The following GRM8 variants were observed in gnomAD, a reference collection of about 807,000 sequenced individuals.
The protein encoded by GRM8 is glutamate metabotropic receptor 8, also known as metabotropic glutamate receptor 8.
Under a neutral mutation model 87.2 loss-of-function variants are expected in GRM8, and 47 were observed. The observed-to-expected ratio is 0.54, with a 90% CI of 0.43 to 0.69. The LOEUF (loss-of-function observed/expected upper bound fraction) is 0.69. Among genes scored for constraint, GRM8 ranks in the 30% least tolerant of loss-of-function variants. GRM8 has a pLI of 0.00. For missense variants in GRM8, 1,019 were observed against 1,139.2 expected, an observed-to-expected ratio of 0.89 and a Z score of 1.52; for synonymous variants, 396 against 404.5, an observed-to-expected ratio of 0.98 and a Z score of 0.25.
chr7:126,515,527 T>G (rs1474077253), intron 9 of GRM8, among the ~76,000 whole-genome samples: 2 of 152,126 alleles, frequency 1.3e-5, no homozygotes, highest in Non-Finnish European at 2.9e-5. Flanking sequence ...GTCACTGCCC[T>G]GCAGTTTTGG....
chr7:126,544,490 A>G lies in GRM8; in HGVS notation c.1495-10603T>C, dbSNP rs138474707. 1.2e-3 allele frequency among the ~76,000 whole-genome samples: 178 copies of G among 152,040 alleles called. 1 individual carries two copies. The highest frequency in any genetic ancestry group is 4.1e-3 in the African/African-American group (169 of 41,482). Reference sequence around the variant, plus strand: ...GATGTTTGGAAGACCTAACAAATTAATATTTTGAAAGTTTATTTATTATTA... The same window carrying G: ...GATGTTTGGAAGACCTAACAAATTAGTATTTTGAAAGTTTATTTATTATTA... On this transcript the variant is annotated intron_variant, in intron 8 of 10. Coordinates refer to ENST00000339582, the MANE Select transcript of GRM8 (RefSeq NM_000845.3).
At chr7:127,030,515 TCA>T (rs1388090718) in intron 3 of GRM8, among the ~76,000 whole-genome samples, 1 of 152,154 alleles carries the variant, frequency 6.6e-6, no homozygotes, top group Non-Finnish European at 1.5e-5. Context: ...TTGATATGTA[TCA>T]GTTTACTCTC....
At chr7:127,114,208 T>C (rs926516962) in intron 2 of GRM8, among the ~76,000 whole-genome samples, 1 of 152,202 alleles carries the variant, frequency 6.6e-6, no homozygotes, top group Admixed American at 6.5e-5. Flanking sequence ...TGACCTTTTC[T>C]TCTCAGTTGA....
intron 7 of GRM8, among the ~76,000 whole-genome samples, chr7:126,613,802 A>C (rs1404163603): frequency 2.0e-5 from 3 of 152,206 alleles, no homozygotes; most frequent in African/African-American, 7.2e-5. Flanking sequence ...ACTGAGATCC[A>C]ACTGCAAGGC....
At chr7:126,661,599 C>G (rs1328873997) in intron 7 of GRM8, among the ~76,000 whole-genome samples, 3 of 152,170 alleles carry the variant, frequency 2.0e-5, no homozygotes, top group East Asian at 1.9e-4. Flanking sequence ...AAACAAACAC[C>G]TGAAGAGCCT....
At chr7:126,485,183 T>C (rs1474288804) in intron 9 of GRM8, among the ~76,000 whole-genome samples, 1 of 152,076 alleles carries the variant, frequency 6.6e-6, no homozygotes, top group Non-Finnish European at 1.5e-5. Flanking sequence ...ACAAGGTCTC[T>C]GTCCTGAAGA....
chr7:127,029,431 T>G (rs939392605), intron 3 of GRM8, among the ~76,000 whole-genome samples: 8 of 152,202 alleles, frequency 5.3e-5, no homozygotes, highest in African/African-American at 9.6e-5. Flanking sequence ...TTGACAGTGG[T>G]GTGTTAAAGT....
At chr7:126,591,131 G>A (rs1489398358) in intron 8 of GRM8, among the ~76,000 whole-genome samples, 1 of 151,998 alleles carries the variant, frequency 6.6e-6, no homozygotes, top group African/African-American at 2.4e-5. Context: ...GCCTTCAAGA[G>A]ACTCACCTAA....
At chr7:126,979,875 G>A (rs1029648778) in intron 3 of GRM8, among the ~76,000 whole-genome samples, 2 of 152,202 alleles carry the variant, frequency 1.3e-5, no homozygotes, top group African/African-American at 2.4e-5. Flanking sequence ...CACTGCCCTG[G>A]CACAGGTTAC....
intron 3 of GRM8, among the ~76,000 whole-genome samples, chr7:127,017,656 G>A (rs1029506329): frequency 6.6e-6 from 1 of 152,004 alleles, no homozygotes; most frequent in Non-Finnish European, 1.5e-5. Flanking sequence ...AGTGTGGGGT[G>A]ATGGAGAGGC....
chr7:126,901,477 A>G (rs1016337865), intron 6 of GRM8, among the ~76,000 whole-genome samples: 1 of 152,162 alleles, frequency 6.6e-6, no homozygotes, highest in Non-Finnish European at 1.5e-5. Context: ...TCTTCACTCA[A>G]CCCAGCTCCT....
In GRM8 at chr7:127,139,915, C is replaced by T. The variant is rs537271148; in HGVS notation, c.511-33203G>A. On this transcript the variant is annotated intron_variant, in intron 2 of 10. Transcript: ENST00000339582. The stretch of plus-strand genomic sequence containing the variant: ...GGTCACAACTGGCGACAATGTGCCA[C>T]TCATGCTAGAAGCACAGGTTCCCTC... 2.0e-5 allele frequency among the ~76,000 whole-genome samples: 3 copies of T among 152,224 alleles called. No homozygotes were observed. In the East Asian group the frequency reaches 5.8e-4, roughly 30 times the overall value.
chr7:127,069,483 T>TA (rs35965502), intron 3 of GRM8, among the ~76,000 whole-genome samples: 25 of 150,572 alleles, frequency 1.7e-4, no homozygotes, highest in East Asian at 1.2e-3. Flanking sequence ...TATTTTAATT[T>TA]AAAAAAAAAA....
intron 6 of GRM8, among the ~76,000 whole-genome samples, chr7:126,860,577 G>A (rs1423253538): frequency 6.6e-6 from 1 of 151,972 alleles, no homozygotes; most frequent in Non-Finnish European, 1.5e-5. Context: ...AATGGTTACA[G>A]AACAAATAGT....
At chr7:127,227,365 A>G (rs763140989) in intron 2 of GRM8, among the ~76,000 whole-genome samples, 3 of 152,212 alleles carry the variant, frequency 2.0e-5, no homozygotes, top group Non-Finnish European at 4.4e-5. Context: ...AAATAATATC[A>G]TACACACCCT....
intron 2 of GRM8, among the ~76,000 whole-genome samples, chr7:127,157,803 G>T (rs534737643): frequency 1.3e-5 from 2 of 151,952 alleles, no homozygotes; most frequent in East Asian, 3.9e-4. Flanking sequence ...ACATTCACAC[G>T]CAAAACAATA....
intron 6 of GRM8, among the ~76,000 whole-genome samples, chr7:126,858,901 T>A (rs1457274278): frequency 6.6e-6 from 1 of 152,210 alleles, no homozygotes; most frequent in East Asian, 1.9e-4. Context: ...GGACATACTT[T>A]TTCCCATTTA....
chr7:127,229,627 G>A (rs1242678266), intron 2 of GRM8: 2 of 152,148 alleles, frequency 1.3e-5, no homozygotes, highest in African/African-American at 4.8e-5. Context: ...GGGTTAACCA[G>A]GGTAGAAATT....
chr7:126,974,299 T>C (rs1460899064), intron 3 of GRM8, among the ~76,000 whole-genome samples: 3 of 152,196 alleles, frequency 2.0e-5, no homozygotes, highest in African/African-American at 2.4e-5. Context: ...AATAAAATTG[T>C]ATTGTATTGG....
Sources: allele counts gnomAD v4.1 joint callset (sites outside exome capture counted in the v4.1 genomes callset), GRCh38; gene constraint gnomAD v4.1.1; transcripts MANE v1.5; gene names NCBI Gene and HGNC (gene_info 2026-07-23, HGNC 2026-07-21).